GABRG3: variants seen among roughly 807,000 people sequenced by gnomAD.
The protein encoded by GABRG3 is gamma-aminobutyric acid receptor subunit gamma-3.
GABRG3 carries 25 observed loss-of-function variants against 48.8 expected under a neutral mutation model. The ratio of observed to expected loss-of-function variants is 0.51; its 90% CI spans 0.37 to 0.72. The LOEUF is 0.72. GABRG3 is among the 30% of genes least tolerant of loss of function. GABRG3 has a pLI of 0.00. For synonymous variants in GABRG3, 227 were observed against 217.6 expected, an observed-to-expected ratio of 1.04 and a Z score of -0.38; for missense variants, 394 against 577.9, an observed-to-expected ratio of 0.68 and a Z score of 3.26.
chr15:27,311,338 CA>C (rs753405603), intron 3 of GABRG3, among the ~76,000 whole-genome samples: 6 of 152,274 alleles, frequency 3.9e-5, no homozygotes, highest in East Asian at 1.9e-4. Context: ...AGGAAACCCC[CA>C]GCTCCCAGAT....
chr15:27,324,836 TG>T, intron 3 of GABRG3, among the ~76,000 whole-genome samples: 1 of 152,226 alleles, frequency 6.6e-6, no homozygotes, highest in East Asian at 1.9e-4. Context: ...CCTTTCTCTC[TG>T]AAGTATAGGT....
chr15:27,424,573 GAC>G (rs1888233133), intron 5 of GABRG3, among the ~76,000 whole-genome samples: 1 of 132,688 alleles, frequency 7.5e-6, no homozygotes, highest in African/African-American at 2.9e-5. Context: ...TTTTTTTTGA[GAC>G]AGAGTCTCAC....
Position 27,536,946 on chromosome 15 carries a change from C to G in GABRG3, c.*4065C>G, listed in dbSNP as rs1017315277. The G allele has an allele frequency of 1.3e-5, 2 of 152,096 alleles. No homozygotes were observed. The highest frequency in any genetic ancestry group is 2.9e-5 in the Non-Finnish European group (2 of 68,008). The allele number at this position is 152,096 out of a possible 1,614,324, so 9.4% of individuals were successfully genotyped here. A position where few individuals can be genotyped will look rare whatever the true frequency, so the allele number is the denominator to read the frequency against. ...CAAAATGGAAATTTTCTGTGATTTCCTTTGAGACTTGAAGAATTACACCTG... is the reference window on the plus strand; with the variant it reads ...CAAAATGGAAATTTTCTGTGATTTCGTTTGAGACTTGAAGAATTACACCTG... On this transcript the variant is annotated 3_prime_UTR_variant, in exon 10 of 10. Transcript: ENST00000615808.
intron 2 of GABRG3, among the ~76,000 whole-genome samples, chr15:27,002,775 AG>A (rs1895476754): frequency 6.8e-6 from 1 of 146,356 alleles, no homozygotes; most frequent in Non-Finnish European, 1.5e-5. Context: ...GAAGGAAGGA[AG>A]GAAGGAAAGA....
In GABRG3 at chr15:27,423,202, A is replaced by G. The variant is rs560523900; in HGVS notation, c.575-57448A>G. ...CTGACAAGCTGGAATGGCATGGTTCATTGTCCCAGGTATACAAAAAAAAAA... is the reference window on the plus strand; with the variant it reads ...CTGACAAGCTGGAATGGCATGGTTCGTTGTCCCAGGTATACAAAAAAAAAA... On this transcript the variant is annotated intron_variant, in intron 5 of 9. Coordinates refer to ENST00000615808, the MANE Select transcript of GABRG3 (RefSeq NM_033223.5). 7.2e-4 allele frequency among the ~76,000 whole-genome samples: 101 copies of G among 140,496 alleles called. 1 individual carries two copies. Among genetic ancestry groups the G allele is most frequent in the African/African-American group, 2.7e-3 (99 of 37,272 alleles). The allele number at this position is 140,496 out of a possible 152,430, so 92.2% of individuals were successfully genotyped here.
At chr15:27,009,394 T>G (rs905493552) in intron 2 of GABRG3, among the ~76,000 whole-genome samples, 1 of 152,192 alleles carries the variant, frequency 6.6e-6, no homozygotes, top group South Asian at 2.1e-4. Context: ...AGAGGACACA[T>G]GACGATTGAA....
Position 27,265,882 on chromosome 15 carries a change from G to GTTTTTTTTTTTTTTTTTTTTTTTTTTTTT in GABRG3, c.271-60912_271-60911insTTTTTTTTTTTTTTTTTTTTTTTTTTTTT, listed in dbSNP as rs57522857. Reference sequence around the variant, plus strand: ...GCAAGGTCAAGAAGATTTTCTCCTGGTTTTTTTTTTTTTTTGAGAGTGACC... The same window carrying GTTTTTTTTTTTTTTTTTTTTTTTTTTTTT: ...GCAAGGTCAAGAAGATTTTCTCCTGGTTTTTTTTTTTTTTTTTTTTTTTTTTTTTTTTTTTTTTTTTTTTGAGAGTGACC... On this transcript the variant is annotated intron_variant, in intron 3 of 9. Coordinates refer to ENST00000615808, the MANE Select transcript of GABRG3 (RefSeq NM_033223.5). Among the ~76,000 whole-genome samples the GTTTTTTTTTTTTTTTTTTTTTTTTTTTTT allele has an allele frequency of 1.5e-3, 190 of 127,516 alleles. 19 individuals are homozygous for GTTTTTTTTTTTTTTTTTTTTTTTTTTTTT. Among genetic ancestry groups the GTTTTTTTTTTTTTTTTTTTTTTTTTTTTT allele is most frequent in the African/African-American group, 3.5e-3 (104 of 29,410 alleles). The allele number at this position is 127,516 out of a possible 152,430, so 83.7% of individuals were successfully genotyped here. A position where few individuals can be genotyped will look rare whatever the true frequency, so the allele number is the denominator to read the frequency against.
At chr15:27,199,263 T>C (rs140583760) in intron 3 of GABRG3, among the ~76,000 whole-genome samples, 1 of 152,356 alleles carries the variant, frequency 6.6e-6, no homozygotes, top group East Asian at 1.9e-4. Context: ...AGTCTGGTCC[T>C]GGACGGGATG....
chr15:27,424,760 G>A lies in GABRG3; in HGVS notation c.575-55890G>A, dbSNP rs144401891. On this transcript the variant is annotated intron_variant, in intron 5 of 9. Transcript: ENST00000615808. ...GTAGAGATGGGGTTTCACCATGTTG[G>A]CCAGGCTGGTCTCGAACTCCTGACT... Among the ~76,000 whole-genome samples the A allele has an allele frequency of 9.2e-5, 14 of 152,076 alleles. No individual in the cohort carries two copies. In the East Asian group the frequency reaches 2.7e-3, roughly 30 times the overall value.
At chr15:27,089,694 C>A (rs957692279) in intron 3 of GABRG3, among the ~76,000 whole-genome samples, 7 of 152,122 alleles carry the variant, frequency 4.6e-5, no homozygotes, top group Admixed American at 4.6e-4. Flanking sequence ...TGTGGTCATG[C>A]GAAGGGAGGA....
At chr15:27,272,025 G>A (rs1891107820) in intron 3 of GABRG3, among the ~76,000 whole-genome samples, 1 of 152,220 alleles carries the variant, frequency 6.6e-6, no homozygotes, top group Non-Finnish European at 1.5e-5. Context: ...TGCACAGGCA[G>A]TTTGTTCAGT....
intron 3 of GABRG3, among the ~76,000 whole-genome samples, chr15:27,112,376 G>A (rs906168222): frequency 6.6e-6 from 1 of 151,392 alleles, no homozygotes; most frequent in African/African-American, 2.4e-5. Flanking sequence ...GATTCTTGAT[G>A]TCCTCTTTAA....
chr15:27,332,654 TA>T (rs1893840837), intron 5 of GABRG3, among the ~76,000 whole-genome samples: 1 of 152,228 alleles, frequency 6.6e-6, no homozygotes, highest in African/African-American at 2.4e-5. Flanking sequence ...TTTTTCCACT[TA>T]AAAATTTTAT....
chr15:27,438,216 C>T (rs1287346111), intron 5 of GABRG3, among the ~76,000 whole-genome samples: 1 of 152,258 alleles, frequency 6.6e-6, no homozygotes, highest in Admixed American at 6.5e-5. Context: ...CTGAAAATAG[C>T]GTGGGATTAT....
rs79073184 is a variant in GABRG3 at position 27,172,688 on chromosome 15, A to C, written c.270+145867A>C. On this transcript the variant is annotated intron_variant, in intron 3 of 9. Transcript: ENST00000615808. The stretch of plus-strand genomic sequence containing the variant: ...ATACATAACGGCCAACATGCACTTG[A>C]AACCTTAGTCCACAGTGAGCCAGAA... Among the ~76,000 whole-genome samples the C allele has an allele frequency of 7.7e-3, 1,176 of 152,206 alleles. 10 individuals are homozygous for C. The highest frequency in any genetic ancestry group is 0.027 in the African/African-American group (1,114 of 41,524).
At chr15:27,340,936 A>C in intron 5 of GABRG3, 1 of 486,062 alleles carries the variant, frequency 2.1e-6, no homozygotes, top group Non-Finnish European at 4.0e-6. Context: ...CTGTTTTTTA[A>C]GAACAGAGAT....
In GABRG3 at chr15:27,535,113, A is replaced by T. The variant is rs1006807234; in HGVS notation, c.*2232A>T. On this transcript the variant is annotated 3_prime_UTR_variant, in exon 10 of 10. Coordinates refer to ENST00000615808, the MANE Select transcript of GABRG3 (RefSeq NM_033223.5). ...GACCCTGACCAAAGGAATCCAAGTC[A>T]CACCACAGCACTGAGCGCCAAGGGA... The T allele has an allele frequency of 1.3e-5, 2 of 152,186 alleles. No individual in the cohort carries two copies. Among genetic ancestry groups the T allele is most frequent in the African/African-American group, 4.8e-5 (2 of 41,460 alleles). The allele number at this position is 152,186 out of a possible 1,614,324, so 9.4% of individuals were successfully genotyped here. A position where few individuals can be genotyped will look rare whatever the true frequency, so the allele number is the denominator to read the frequency against.
At chr15:27,221,304 G>T (rs542797833) in intron 3 of GABRG3, among the ~76,000 whole-genome samples, 1 of 152,000 alleles carries the variant, frequency 6.6e-6, no homozygotes, top group Non-Finnish European at 1.5e-5. Context: ...CTTGCCATCT[G>T]CTTGCAAAAG....
chr15:27,374,033 A>G (rs1895501212), intron 5 of GABRG3, among the ~76,000 whole-genome samples: 1 of 151,396 alleles, frequency 6.6e-6, no homozygotes. Context: ...AAAGTTCTTT[A>G]GTTTTTTAAG....
Sources: allele counts gnomAD v4.1 joint callset (sites outside exome capture counted in the v4.1 genomes callset), GRCh38; gene constraint gnomAD v4.1.1; transcripts MANE v1.5; gene names NCBI Gene and HGNC (gene_info 2026-07-23, HGNC 2026-07-21).